ANKS4B: variants seen among roughly 807,000 people sequenced by gnomAD.
ANKS4B encodes ankyrin repeat and SAM domain-containing protein 4B.
Under a neutral mutation model 20.2 loss-of-function variants are expected in ANKS4B, and 21 were observed. That is an observed-to-expected ratio of 1.04 (90% CI 0.74 to 1.50). The LOEUF (loss-of-function observed/expected upper bound fraction) is 1.50. ANKS4B is among the 40% of genes most tolerant of loss of function. The pLI, the probability that ANKS4B is intolerant of heterozygous loss-of-function variation, is 0.00. For missense variants in ANKS4B, 473 were observed against 494.6 expected, an observed-to-expected ratio of 0.96 and a Z score of 0.41; for synonymous variants, 179 against 194.5, an observed-to-expected ratio of 0.92 and a Z score of 0.66.
rs968777432 is a variant in ANKS4B, at chr16:21,253,703, G to C, written c.*2883G>C. The C allele has an allele frequency of 1.3e-5, 2 of 152,100 alleles. No homozygotes were observed. The highest frequency in any genetic ancestry group is 2.9e-5 in the Non-Finnish European group (2 of 68,020). 9.4% of individuals were successfully genotyped at this position (152,100 alleles called of 1,614,324 possible). A position where few individuals can be genotyped will look rare whatever the true frequency, so the allele number is the denominator to read the frequency against. ...ATATTTGCCACTAGGGGTCTCATCA[G>C]GTACCTCTATGCTCTTCTTAGGGGT... On this transcript the variant is annotated 3_prime_UTR_variant, in exon 2 of 2. Transcript: ENST00000311620.
intron 1 of ANKS4B, among the ~76,000 whole-genome samples, chr16:21,247,274 A>G (rs928034972): frequency 5.9e-5 from 9 of 152,164 alleles, no homozygotes; most frequent in African/African-American, 2.2e-4. Flanking sequence ...AATGTTGACC[A>G]GGCTGATCTT....
At chr16:21,240,678 C>A (rs1166210526) in intron 1 of ANKS4B, among the ~76,000 whole-genome samples, 1 of 152,008 alleles carries the variant, frequency 6.6e-6, no homozygotes, top group Non-Finnish European at 1.5e-5. Context: ...CTTTAAAAGA[C>A]AATCATATAA....
chr16:21,244,658 A>G (rs954057270), intron 1 of ANKS4B, among the ~76,000 whole-genome samples: 1 of 152,166 alleles, frequency 6.6e-6, no homozygotes, highest in Non-Finnish European at 1.5e-5. Context: ...TTTGATGTCT[A>G]GGATACTTAA....
At chr16:21,237,106 C>T (rs2093321100) in intron 1 of ANKS4B, among the ~76,000 whole-genome samples, 1 of 151,926 alleles carries the variant, frequency 6.6e-6, no homozygotes. Flanking sequence ...CTGCAACCTC[C>T]ACCTCTCGGG....
chr16:21,250,364 C>G lies in ANKS4B; in HGVS notation c.798C>G (p.Leu266=), dbSNP rs17707647. The G allele has an allele frequency of 0.024, 39,545 of 1,614,166 alleles. 583 individuals carry two copies. The highest frequency in any genetic ancestry group is 0.03 in the Non-Finnish European group (34,949 of 1,180,030). Residue 266 remains leucine (L), a synonymous_variant, in exon 2 of 2, where the codon CTC becomes CTG. Transcript: ENST00000311620. ...EDGSVHHESI[L]NRPGLGSIVF... ...GCAGTGTGCACCATGAATCCATTCT[C>G]AATCGTCCAGGTCTAGGAAGTATTG...
Position 21,233,730 on chromosome 16 carries a change from C to T in ANKS4B, c.-8C>T, listed in dbSNP as rs755456343. On this transcript the variant is annotated 5_prime_UTR_variant, in exon 1 of 2. Coordinates refer to ENST00000311620, the MANE Select transcript of ANKS4B (RefSeq NM_145865.3). ...AGACATCTGGCCAAGTTCTGGTGAG[C>T]AGGAAAAATGTCTACTCGTTACCAC... 6.2e-7 allele frequency: 1 copy of T among 1,612,030 alleles called. No individual in the cohort carries two copies.
chr16:21,248,517 G>A (rs963363216), intron 1 of ANKS4B, among the ~76,000 whole-genome samples: 2 of 151,846 alleles, frequency 1.3e-5, no homozygotes, highest in African/African-American at 4.8e-5. Context: ...ATCACCTGAG[G>A]TCAGGAGTTT....
Position 21,253,466 on chromosome 16 carries a change from A to G in ANKS4B, c.*2646A>G, listed in dbSNP as rs1303827240. 2 of 152,254 alleles carry G rather than the reference A, an allele frequency of 1.3e-5. No individual in the cohort carries two copies. The highest frequency in any genetic ancestry group is 1.9e-4 in the East Asian group (1 of 5,206). The allele number at this position is 152,254 out of a possible 1,614,324, so 9.4% of individuals were successfully genotyped here. On this transcript the variant is annotated 3_prime_UTR_variant, in exon 2 of 2. Coordinates refer to ENST00000311620, the MANE Select transcript of ANKS4B (RefSeq NM_145865.3). Reference sequence around the variant, plus strand: ...TTAACGTGCACAGAAGCAGTTGGCAAATAGAAAGTGCTCAAAAAAGTTTGT... The same window carrying G: ...TTAACGTGCACAGAAGCAGTTGGCAGATAGAAAGTGCTCAAAAAAGTTTGT...
At chr16:21,240,779 T>G (rs2093325575) in intron 1 of ANKS4B, among the ~76,000 whole-genome samples, 1 of 152,038 alleles carries the variant, frequency 6.6e-6, no homozygotes, top group African/African-American at 2.4e-5. Context: ...TATTTTTTTT[T>G]TAATAATTTC....
intron 1 of ANKS4B, among the ~76,000 whole-genome samples, chr16:21,235,259 T>G (rs923400339): frequency 6.6e-6 from 1 of 152,100 alleles, no homozygotes; most frequent in Admixed American, 6.5e-5. Flanking sequence ...AAGCTGGGAT[T>G]AGGAAAATGA....
intron 1 of ANKS4B, among the ~76,000 whole-genome samples, chr16:21,234,481 G>GAC (rs1480954069): frequency 3.3e-4 from 29 of 87,062 alleles, no homozygotes; most frequent in African/African-American, 1.1e-3. Context: ...CTAGTGGATA[G>GAC]ATACACACAC....
At chr16:21,238,319 T>A (rs2093322653) in intron 1 of ANKS4B, among the ~76,000 whole-genome samples, 1 of 152,252 alleles carries the variant, frequency 6.6e-6, no homozygotes, top group East Asian at 1.9e-4. Flanking sequence ...TTTATAACTT[T>A]ATTCCCCATT....
At chr16:21,243,176 C>G (rs1464010348) in intron 1 of ANKS4B, among the ~76,000 whole-genome samples, 2 of 152,164 alleles carry the variant, frequency 1.3e-5, no homozygotes, top group East Asian at 3.8e-4. Flanking sequence ...GTAATTTAAG[C>G]AAATTGCCTA....
In ANKS4B at chr16:21,249,595, T is replaced by C. The variant is rs899163197; in HGVS notation, c.165-136T>C. On this transcript the variant is annotated intron_variant, in intron 1 of 1. Transcript: ENST00000311620. ...ACAGTTGGACTTGCAGCCAGTATCT[T>C]ATAACAATGTCAAGTCAGGATGAAC... 6.7e-6 allele frequency: 7 copies of C among 1,044,968 alleles called. No homozygotes were observed. In the African/African-American group the frequency reaches 1.1e-4, roughly 17 times the overall value. The allele number at this position is 1,044,968 out of a possible 1,614,324, so 64.7% of individuals were successfully genotyped here.
intron 1 of ANKS4B, among the ~76,000 whole-genome samples, chr16:21,234,483 T>TAC (rs34242527): frequency 0.062 from 7,759 of 124,568 alleles, 218 homozygotes; most frequent in Middle Eastern, 0.13. Flanking sequence ...AGTGGATAGA[T>TAC]ACACACACAC....
chr16:21,237,593 C>CAA lies in ANKS4B; in HGVS notation c.164+3705_164+3706dup, dbSNP rs35450922. 1.8e-3 allele frequency among the ~76,000 whole-genome samples: 228 copies of CAA among 125,344 alleles called. 1 individual carries two copies. Among genetic ancestry groups the CAA allele is most frequent in the South Asian group, 5.5e-3 (22 of 4,026 alleles). The allele number at this position is 125,344 out of a possible 152,430, so 82.2% of individuals were successfully genotyped here. A position where few individuals can be genotyped will look rare whatever the true frequency, so the allele number is the denominator to read the frequency against. ...CACATGGAGGAAGGGAAGGAAGGGG[C>CAA]AAAAAAAAAAAAAAGGCAAATTCCC... is the stretch of plus-strand genomic sequence containing the variant. On this transcript the variant is annotated intron_variant, in intron 1 of 1. Coordinates refer to ENST00000311620, the MANE Select transcript of ANKS4B (RefSeq NM_145865.3).
intron 1 of ANKS4B, among the ~76,000 whole-genome samples, chr16:21,238,594 A>G (rs1416011665): frequency 6.6e-6 from 1 of 152,068 alleles, no homozygotes; most frequent in Non-Finnish European, 1.5e-5. Context: ...TTCATTTGTT[A>G]TTTTAAATAC....
At chr16:21,244,109 T>C (rs2093329613) in intron 1 of ANKS4B, 2 of 150,934 alleles carry the variant, frequency 1.3e-5, no homozygotes, top group African/African-American at 4.9e-5. Context: ...TCATGTCCTT[T>C]GCAGGGACAT....
At chr16:21,240,374 C>T (rs943750660) in intron 1 of ANKS4B, among the ~76,000 whole-genome samples, 7 of 151,996 alleles carry the variant, frequency 4.6e-5, no homozygotes, top group South Asian at 2.1e-4. Context: ...CTGCAACCTC[C>T]GCCACCTAGG....
Sources: allele counts gnomAD v4.1 joint callset (sites outside exome capture counted in the v4.1 genomes callset), GRCh38; gene constraint gnomAD v4.1.1; transcripts MANE v1.5; gene names NCBI Gene and HGNC (gene_info 2026-07-23, HGNC 2026-07-21).